ZFYVE27: variants seen among roughly 807,000 people sequenced by gnomAD.
ZFYVE27 encodes the protein zinc finger FYVE-type containing 27.
Under a neutral mutation model 52.8 loss-of-function variants are expected in ZFYVE27, and 36 were observed. The observed-to-expected ratio is 0.68, with a 90% CI of 0.52 to 0.90. ZFYVE27 has a LOEUF of 0.90. Ranked by LOEUF, ZFYVE27 falls within the 40% of genes least tolerant of loss-of-function variation. The pLI is 0.00. For missense variants in ZFYVE27, 450 were observed against 527.2 expected, an observed-to-expected ratio of 0.85 and a Z score of 1.43; for synonymous variants, 223 against 215.6, an observed-to-expected ratio of 1.03 and a Z score of -0.30.
chr10:97,757,536 G>A, intron 11 of ZFYVE27, 106 bp from the exon 12 acceptor site: 2 of 1,381,556 alleles, frequency 1.4e-6, no homozygotes, highest in South Asian at 1.2e-5. Context: ...GCACCCCCCA[G>A]GCCCAGTTTC....
At position 97,744,716 on chromosome 10, in the gene ZFYVE27, T is replaced by C. The variant is rs770845536; in HGVS notation, c.269-13T>C. 6.2e-7 allele frequency: 1 copy of C among 1,613,046 alleles called. No homozygotes were observed. Among genetic ancestry groups the C allele is most frequent in the Non-Finnish European group, 8.5e-7 (1 of 1,179,936 alleles). On this transcript the variant is annotated splice_polypyrimidine_tract_variant and intron_variant, in intron 3 of 12. Transcript: ENST00000684270. ...GCTTACCTGTGTTACCTGCAGTGTT[T>C]TTGATTCTGCAGGTGCATGGTACTC...
chr10:97,741,004 A>G (rs932466044), intron 2 of ZFYVE27, among the ~76,000 whole-genome samples: 1 of 152,198 alleles, frequency 6.6e-6, no homozygotes, highest in Non-Finnish European at 1.5e-5. Context: ...ATTGGCTTTT[A>G]TTTCGCTTTT....
chr10:97,757,881 C>T (rs2048789510), intron 12 of ZFYVE27, 158 bp downstream of exon 12: 1 of 639,006 alleles, frequency 1.6e-6, no homozygotes, highest in African/African-American at 1.8e-5. Context: ...AATCCTGAAA[C>T]ATTTGGTACA....
chr10:97,740,237 T>A (rs568935714), intron 2 of ZFYVE27, among the ~76,000 whole-genome samples: 4 of 152,248 alleles, frequency 2.6e-5, no homozygotes, highest in Admixed American at 6.5e-5. Flanking sequence ...GATGTTTTGT[T>A]ACTAGTTCTC....
chr10:97,746,939 C>T (rs1468292175), intron 4 of ZFYVE27, among the ~76,000 whole-genome samples: 1 of 152,226 alleles, frequency 6.6e-6, no homozygotes, highest in Non-Finnish European at 1.5e-5. Context: ...AATCCTCCTG[C>T]TTCAGCCTCC....
At chr10:97,739,596 A>G (rs2043050968) in intron 2 of ZFYVE27, among the ~76,000 whole-genome samples, 1 of 152,016 alleles carries the variant, frequency 6.6e-6, no homozygotes, top group African/African-American at 2.4e-5. Flanking sequence ...AAAATTAATA[A>G]CTCCTTGATA....
rs746888633 is a variant in ZFYVE27 at position 97,757,650 on chromosome 10, C to G, written c.1098C>G (p.Cys366Trp). The change falls in exon 12 of 13, where the codon TGC becomes TGG. Residue 366 changes from cysteine (C) to tryptophan (W), a missense_variant. Cys to Trp is a radical substitution (Grantham distance 215, BLOSUM62 -2). Coordinates refer to ENST00000684270, the MANE Select transcript of ZFYVE27 (RefSeq NM_001385875.1). The stretch of plus-strand genomic sequence containing the variant: ...TTGGCTCTTGTCTGCAGCGGAGCTG[C>G]AGTAATTGTGGAAACAGCTTCTGCT... ...TFSVLKKRRS[C>W]SNCGNSFCSR... The G allele has an allele frequency of 1.2e-6, 2 of 1,614,110 alleles. No individual in the cohort carries two copies. The highest frequency in any genetic ancestry group is 2.7e-5 in the African/African-American group (2 of 74,930).
At chr10:97,751,657 C>A (rs1364386902) in intron 8 of ZFYVE27, among the ~76,000 whole-genome samples, 195 bp downstream of exon 8, 1 of 152,184 alleles carries the variant, frequency 6.6e-6, no homozygotes. Flanking sequence ...TCCTGGGTGC[C>A]CAGGGCAAGA....
At chr10:97,753,532 G>C (rs2136274113) in intron 10 of ZFYVE27, among the ~76,000 whole-genome samples, 1 of 152,296 alleles carries the variant, frequency 6.6e-6, no homozygotes, top group African/African-American at 2.4e-5. Flanking sequence ...GAACAGAGTA[G>C]AGTCTCACTG....
Position 97,753,150 on chromosome 10 carries a change from G to A in ZFYVE27, c.1010G>A (p.Arg337Gln), listed in dbSNP as rs754658801. The A allele has an allele frequency of 5.0e-6, 8 of 1,611,750 alleles. No individual in the cohort carries two copies. Among genetic ancestry groups the A allele is most frequent in the Non-Finnish European group, 5.1e-6 (6 of 1,179,476 alleles). Residue 337 changes from arginine (R) to glutamine (Q), a missense_variant, in exon 10 of 13, where the codon CGG becomes CAG. Transcript: ENST00000684270. ...AGCAAGGTGTCTCGGCTCACGGAGCGGCTCCGCAAGCGCTACCCCACCAAC... is the reference window on the plus strand; with the variant it reads ...AGCAAGGTGTCTCGGCTCACGGAGCAGCTCCGCAAGCGCTACCCCACCAAC... ...LRSKVSRLTE[R>Q]LRKRYPTNNF...
chr10:97,743,555 T>G (rs1486322596), intron 3 of ZFYVE27, among the ~76,000 whole-genome samples: 1 of 152,244 alleles, frequency 6.6e-6, no homozygotes, highest in Non-Finnish European at 1.5e-5. Context: ...GACTTCCTGC[T>G]GAGGATGCAT....
chr10:97,750,515 GC>G, intron 7 of ZFYVE27, 45 bp downstream of exon 7: 1 of 1,610,984 alleles, frequency 6.2e-7, no homozygotes, highest in Non-Finnish European at 8.5e-7. Flanking sequence ...CCGCTTGTGG[GC>G]CCCCCTGTTA....
intron 3 of ZFYVE27, among the ~76,000 whole-genome samples, chr10:97,744,265 C>A (rs1309193524): frequency 6.6e-6 from 1 of 152,194 alleles, no homozygotes; most frequent in Non-Finnish European, 1.5e-5. Flanking sequence ...TCGGCTTCGC[C>A]ATTTCTCAAG....
chr10:97,759,904 T>C lies in ZFYVE27; in HGVS notation c.*604T>C. The C allele has an allele frequency of 1.2e-5, 2 of 169,158 alleles. No homozygotes were observed. The highest frequency in any genetic ancestry group is 1.1e-4 in the Admixed American group (2 of 18,474). 10.5% of individuals were successfully genotyped at this position (169,158 alleles called of 1,614,324 possible). A position where few individuals can be genotyped will look rare whatever the true frequency, so the allele number is the denominator to read the frequency against. On this transcript the variant is annotated 3_prime_UTR_variant, in exon 13 of 13. Transcript: ENST00000684270. ...ACAGGGTTGAAGTTCCCAGATTCCCTGAGAGGAGAATGTGTATAGGAGGGT... is the reference window on the plus strand; with the variant it reads ...ACAGGGTTGAAGTTCCCAGATTCCCCGAGAGGAGAATGTGTATAGGAGGGT...
chr10:97,740,097 A>G (rs2043224109), intron 2 of ZFYVE27, among the ~76,000 whole-genome samples: 5 of 152,218 alleles, frequency 3.3e-5, no homozygotes. Flanking sequence ...GGTTTTCATC[A>G]GATTCTCATA....
At chr10:97,748,640 A>G (rs1337271955) in intron 5 of ZFYVE27, among the ~76,000 whole-genome samples, 3 of 152,242 alleles carry the variant, frequency 2.0e-5, no homozygotes, top group African/African-American at 7.2e-5. Flanking sequence ...TTTGCCTGCT[A>G]GAATTTGTCA....
At chr10:97,752,751 C>A in intron 8 of ZFYVE27, 106 bp from the exon 9 acceptor site, 1 of 1,281,110 alleles carries the variant, frequency 7.8e-7, no homozygotes, top group Non-Finnish European at 1.1e-6. Context: ...CTCAGAGCAG[C>A]GCTTCCATGC....
At chr10:97,755,022 T>G (rs370407500) in intron 10 of ZFYVE27, among the ~76,000 whole-genome samples, 10 of 152,330 alleles carry the variant, frequency 6.6e-5, no homozygotes, top group African/African-American at 2.4e-4. Flanking sequence ...TGTTTTCCCT[T>G]TGCCCTTGCG....
At chr10:97,737,807 C>T (rs1238215840) in intron 1 of ZFYVE27, among the ~76,000 whole-genome samples, 1 of 152,226 alleles carries the variant, frequency 6.6e-6, no homozygotes, top group Non-Finnish European at 1.5e-5. Flanking sequence ...GCCGACTGCC[C>T]TGGGGCAGAG....
Sources: gnomAD v4.1 joint callset for allele counts (sites outside exome capture counted in the v4.1 genomes callset) on GRCh38, gnomAD v4.1.1 for gene constraint, MANE v1.5 for transcripts, NCBI Gene and HGNC (gene_info 2026-07-23, HGNC 2026-07-21) for gene names.